The following HECW2 variants were observed in gnomAD, a reference collection of about 807,000 sequenced individuals.
HECW2 encodes the protein E3 ubiquitin-protein ligase HECW2.
In HECW2, 61 loss-of-function variants were observed where a neutral mutation model predicts 175.2. That is an observed-to-expected ratio of 0.35 (90% CI 0.28 to 0.43). The LOEUF (loss-of-function observed/expected upper bound fraction) is 0.43. Ranked by LOEUF, HECW2 falls within the 20% of genes least tolerant of loss-of-function variation. HECW2 has a pLI of 1.00. For synonymous variants in HECW2, 671 were observed against 731.0 expected, an observed-to-expected ratio of 0.92 and a Z score of 1.32; for missense variants, 1,524 against 2,000.5, an observed-to-expected ratio of 0.76 and a Z score of 4.54.
chr2:196,485,664 C>T (rs1469414748), intron 1 of HECW2, among the ~76,000 whole-genome samples: 2 of 152,094 alleles, frequency 1.3e-5, no homozygotes, highest in African/African-American at 4.8e-5. Context: ...TAGTAAACAT[C>T]AACACATAAC....
At chr2:196,413,402 G>A (rs1198876384) in intron 2 of HECW2, among the ~76,000 whole-genome samples, 1 of 151,858 alleles carries the variant, frequency 6.6e-6, no homozygotes, top group Non-Finnish European at 1.5e-5. Context: ...CTGGAGTGCT[G>A]TGGTTCAATC....
chr2:196,582,069 A>AAAT (rs572551572), intron 1 of HECW2, among the ~76,000 whole-genome samples: 2,745 of 150,320 alleles, frequency 0.018, 39 homozygotes, highest in Middle Eastern at 0.041. Flanking sequence ...CCATCTCGAA[A>AAAT]AATAATAATA....
chr2:196,553,565 C>T (rs1158737680), intron 1 of HECW2, among the ~76,000 whole-genome samples: 2 of 152,188 alleles, frequency 1.3e-5, no homozygotes, highest in Admixed American at 1.3e-4. Flanking sequence ...AATTATACTT[C>T]CAGGCACTAC....
At chr2:196,556,042 C>T (rs1254316530) in intron 1 of HECW2, among the ~76,000 whole-genome samples, 1 of 152,186 alleles carries the variant, frequency 6.6e-6, no homozygotes, top group Non-Finnish European at 1.5e-5. Flanking sequence ...GTCAGTTAAC[C>T]TCAGTAGACA....
At chr2:196,263,712 G>A (rs1406088101) in intron 17 of HECW2, 1 of 152,202 alleles carries the variant, frequency 6.6e-6, no homozygotes, top group Non-Finnish European at 1.5e-5. Flanking sequence ...GATTCTTATG[G>A]ACCCAGAGAT....
chr2:196,321,489 C>T (rs1383390610), intron 7 of HECW2, among the ~76,000 whole-genome samples: 4 of 151,282 alleles, frequency 2.6e-5, no homozygotes, highest in East Asian at 1.9e-4. Context: ...CTCCACCTCC[C>T]GGGTTCAAGC....
At chr2:196,249,988 G>A (rs1017824492) in intron 19 of HECW2, among the ~76,000 whole-genome samples, 1 of 152,228 alleles carries the variant, frequency 6.6e-6, no homozygotes, top group African/African-American at 2.4e-5. Context: ...CATTTGCGAT[G>A]CTAAATGAGG....
chr2:196,308,217 C>T (rs1220800092), intron 10 of HECW2, 132 bp from the exon 11 acceptor site: 1 of 590,630 alleles, frequency 1.7e-6, no homozygotes, highest in African/African-American at 1.8e-5. Context: ...CATCTCACTG[C>T]ACTATCCCAT....
chr2:196,468,620 C>T (rs1697057801), intron 1 of HECW2, among the ~76,000 whole-genome samples: 1 of 152,238 alleles, frequency 6.6e-6, no homozygotes, highest in South Asian at 2.1e-4. Flanking sequence ...CTGCAGACCA[C>T]ACTTTAAGTG....
At chr2:196,287,562 T>TC in intron 14 of HECW2, among the ~76,000 whole-genome samples, 1 of 152,318 alleles carries the variant, frequency 6.6e-6, no homozygotes, top group South Asian at 2.1e-4. Context: ...GACTTTTTTT[T>TC]CTAAAAATTA....
At chr2:196,464,356 ATAACT>A (rs932775931) in intron 1 of HECW2, among the ~76,000 whole-genome samples, 2 of 152,216 alleles carry the variant, frequency 1.3e-5, no homozygotes, top group Non-Finnish European at 2.9e-5. Context: ...AGTTAGAATG[ATAACT>A]TAAGTATCAT....
Position 196,195,199 on chromosome 2 carries a change from G to A in HECW2, c.*6078C>T, listed in dbSNP as rs1426335503. On this transcript the variant is annotated 3_prime_UTR_variant, in exon 29 of 29. Coordinates refer to ENST00000644978, the MANE Select transcript of HECW2 (RefSeq NM_001348768.2). Reference sequence around the variant, plus strand: ...GTTAATTCCTGGTTAATCCTTCCAAGGTAATTCCTGAACATCATCCATTCT... The same window carrying A: ...GTTAATTCCTGGTTAATCCTTCCAAAGTAATTCCTGAACATCATCCATTCT... The A allele has an allele frequency of 1.3e-5, 2 of 152,160 alleles. No homozygotes were observed. Among genetic ancestry groups the A allele is most frequent in the African/African-American group, 4.8e-5 (2 of 41,428 alleles). The allele number at this position is 152,160 out of a possible 1,614,324, so 9.4% of individuals were successfully genotyped here. A position where few individuals can be genotyped will look rare whatever the true frequency, so the allele number is the denominator to read the frequency against.
intron 1 of HECW2, among the ~76,000 whole-genome samples, chr2:196,552,222 C>G (rs1689623218): frequency 6.6e-6 from 1 of 152,152 alleles, no homozygotes; most frequent in Admixed American, 6.5e-5. Flanking sequence ...AGTTGTAAAT[C>G]AAACTTAAAG....
At chr2:196,444,759 T>C (rs981619561) in intron 1 of HECW2, among the ~76,000 whole-genome samples, 6 of 152,204 alleles carry the variant, frequency 3.9e-5, no homozygotes, top group Non-Finnish European at 7.4e-5. Context: ...TAAAGCTCAT[T>C]AGGCTGAGAT....
intron 1 of HECW2, among the ~76,000 whole-genome samples, chr2:196,548,917 T>C (rs931849950): frequency 3.3e-5 from 5 of 152,170 alleles, no homozygotes; most frequent in Non-Finnish European, 1.5e-5. Context: ...ACACCAGTTA[T>C]ACTGGATTAG....
chr2:196,413,596 T>G (rs1438782024), intron 2 of HECW2, among the ~76,000 whole-genome samples: 1 of 152,060 alleles, frequency 6.6e-6, no homozygotes, highest in African/African-American at 2.4e-5. Context: ...ACACCCGCCT[T>G]GGCCTCCCAA....
intron 2 of HECW2, among the ~76,000 whole-genome samples, chr2:196,390,838 C>G (rs930192287): frequency 6.6e-6 from 1 of 152,088 alleles, no homozygotes; most frequent in African/African-American, 2.4e-5. Flanking sequence ...CTTGAATGGG[C>G]TACGTACTTA....
chr2:196,569,541 T>C (rs1297666927), intron 1 of HECW2, among the ~76,000 whole-genome samples: 1 of 152,188 alleles, frequency 6.6e-6, no homozygotes, highest in African/African-American at 2.4e-5. Flanking sequence ...TTTTGTCATA[T>C]TATTTATCTT....
intron 1 of HECW2, among the ~76,000 whole-genome samples, chr2:196,499,164 G>A (rs370604930): frequency 7.2e-5 from 11 of 152,124 alleles, no homozygotes; most frequent in South Asian, 4.2e-4. Context: ...TGCAATACCC[G>A]CCATCTCAGT....
Sources: gnomAD v4.1 joint callset for allele counts (sites outside exome capture counted in the v4.1 genomes callset) on GRCh38, gnomAD v4.1.1 for gene constraint, MANE v1.5 for transcripts, NCBI Gene and HGNC (gene_info 2026-07-23, HGNC 2026-07-21) for gene names.